The following SLC7A7 variants were observed in gnomAD, a reference collection of about 807,000 sequenced individuals.
SLC7A7 encodes the protein Y+L amino acid transporter 1.
SLC7A7 carries 39 observed loss-of-function variants against 47.9 expected under a neutral mutation model. That is an observed-to-expected ratio of 0.81 (90% CI 0.63 to 1.06). The LOEUF (loss-of-function observed/expected upper bound fraction) is 1.06. SLC7A7 is among the 50% of genes least tolerant of loss of function. The probability of loss-of-function intolerance (pLI) is 0.00; values close to 1 mark genes in which losing one functional copy is unlikely to be tolerated. For synonymous variants in SLC7A7, 234 were observed against 242.8 expected, an observed-to-expected ratio of 0.96 and a Z score of 0.34; for missense variants, 588 against 632.0, an observed-to-expected ratio of 0.93 and a Z score of 0.75.
intron 2 of SLC7A7, among the ~76,000 whole-genome samples, chr14:22,805,851 A>G (rs975176060): frequency 6.6e-6 from 1 of 152,192 alleles, no homozygotes; most frequent in Non-Finnish European, 1.5e-5. Flanking sequence ...TAAACTGTAC[A>G]TACATCAAAG....
chr14:22,817,295 A>T (rs1002309720), upstream of SLC7A7: 1 of 258,950 alleles, frequency 3.9e-6, no homozygotes, highest in African/African-American at 2.4e-5. Flanking sequence ...ACACCTGGCT[A>T]ATTTTTGTGT....
At chr14:22,781,921 T>G (rs17122403) in intron 2 of SLC7A7, among the ~76,000 whole-genome samples, 9,837 of 152,112 alleles carry the variant, frequency 0.065, 402 homozygotes, top group African/African-American at 0.11. Flanking sequence ...CAAACTGGAA[T>G]AAGCTTACAG....
At position 22,775,574 on chromosome 14, in the gene SLC7A7, T is replaced by C. The variant is rs779332809; in HGVS notation, c.999-34A>G. 5.7e-6 allele frequency: 9 copies of C among 1,584,408 alleles called. No individual in the cohort carries two copies. In the African/African-American group the frequency reaches 9.4e-5, roughly 17 times the overall value. ...GGTAAGATAGGAGAAGCTGAGAAAA[T>C]TGGTGGACACGGTGCAGCCTGGTTC... is the stretch of plus-strand genomic sequence containing the variant. On this transcript the variant is annotated intron_variant, in intron 6 of 9. Coordinates refer to ENST00000674313, the MANE Select transcript of SLC7A7 (RefSeq NM_003982.4).
intron 2 of SLC7A7, among the ~76,000 whole-genome samples, chr14:22,812,412 C>G (rs576139309): frequency 3.9e-4 from 60 of 151,924 alleles, no homozygotes; most frequent in Non-Finnish European, 7.2e-4. Flanking sequence ...GGTGATCTGC[C>G]CACTTCAGCC....
chr14:22,812,492 GA>G (rs914541911), intron 2 of SLC7A7, among the ~76,000 whole-genome samples: 6 of 147,974 alleles, frequency 4.1e-5, no homozygotes, highest in African/African-American at 1.2e-4. Context: ...GAAGGAACAA[GA>G]AAAAAAAATC....
At chr14:22,799,796 C>A (rs1380695405) in intron 2 of SLC7A7, among the ~76,000 whole-genome samples, 1 of 152,012 alleles carries the variant, frequency 6.6e-6, no homozygotes, top group Non-Finnish European at 1.5e-5. Context: ...TGATGACTCC[C>A]AAAAGTATAT....
chr14:22,803,856 C>T (rs1318646611), intron 2 of SLC7A7, among the ~76,000 whole-genome samples: 1 of 152,194 alleles, frequency 6.6e-6, no homozygotes, highest in Non-Finnish European at 1.5e-5. Flanking sequence ...GTCTACCTCG[C>T]TTCCCACCAC....
intron 2 of SLC7A7, among the ~76,000 whole-genome samples, chr14:22,806,179 A>T (rs2039203584): frequency 7.2e-6 from 1 of 138,370 alleles, no homozygotes; most frequent in Admixed American, 7.4e-5. Context: ...TCATTCACAC[A>T]TCAATCTCTT....
In SLC7A7 at chr14:22,812,639, TAA is replaced by T. The variant is rs10566770; in HGVS notation, c.499+259_499+260del. Among the ~76,000 whole-genome samples the T allele has an allele frequency of 0.41, 56,999 of 139,020 alleles. 11,353 individuals are homozygous for T. Among genetic ancestry groups the T allele is most frequent in the Admixed American group, 0.48 (6,585 of 13,836 alleles). 91.2% of individuals were successfully genotyped at this position (139,020 alleles called of 152,430 possible). A position where few individuals can be genotyped will look rare whatever the true frequency, so the allele number is the denominator to read the frequency against. ...TGACAGAGCAAAATACCTGTCTCTT[TAA>T]AAAAAAAAAAAAAAAATCAGGAAGA... On this transcript the variant is annotated intron_variant, in intron 2 of 9. Coordinates refer to ENST00000674313, the MANE Select transcript of SLC7A7 (RefSeq NM_003982.4).
chr14:22,819,224 A>T (rs541579294), upstream of SLC7A7, among the ~76,000 whole-genome samples: 4 of 152,216 alleles, frequency 2.6e-5, no homozygotes, highest in South Asian at 8.3e-4. Context: ...TCTCTCCCAG[A>T]GACCCCATGT....
At chr14:22,812,229 C>A (rs572696141) in intron 2 of SLC7A7, among the ~76,000 whole-genome samples, 2 of 151,580 alleles carry the variant, frequency 1.3e-5, no homozygotes, top group African/African-American at 2.4e-5. Flanking sequence ...TGCAGTGGTG[C>A]GATCTTGGCT....
chr14:22,780,654 A>G (rs1183181534), intron 2 of SLC7A7, among the ~76,000 whole-genome samples: 1 of 152,112 alleles, frequency 6.6e-6, no homozygotes, highest in Non-Finnish European at 1.5e-5. Context: ...GGGACAGGGC[A>G]TTTTTCCTGA....
intron 2 of SLC7A7, among the ~76,000 whole-genome samples, chr14:22,788,239 T>G (rs1407978765): frequency 6.6e-6 from 1 of 152,118 alleles, no homozygotes; most frequent in Non-Finnish European, 1.5e-5. Flanking sequence ...ATCATGAGAA[T>G]TTGCCACGAA....
At chr14:22,785,729 A>T in intron 2 of SLC7A7, among the ~76,000 whole-genome samples, 2 of 150,868 alleles carry the variant, frequency 1.3e-5, no homozygotes, top group African/African-American at 4.8e-5. Context: ...TCCATCTCAA[A>T]AAAAAAAAAA....
In SLC7A7 at chr14:22,813,351, T is replaced by A; in HGVS notation, c.48A>T (p.Glu16Asp). The change falls in exon 2 of 10, where the codon GAA (glutamate) becomes GAT (aspartate). Residue 16 changes from glutamate to aspartate, a missense_variant. Transcript: ENST00000674313. ...EYEVASQPEVETSPLGDGASP... is the reference protein window; with the variant it reads ...EYEVASQPEVDTSPLGDGASP... ...TGGCCCCATCACCCAAAGGGGAGGTTTCCACCTCAGGCTGGGAGGCCACTT... is the reference window on the plus strand; with the variant it reads ...TGGCCCCATCACCCAAAGGGGAGGTATCCACCTCAGGCTGGGAGGCCACTT... The A allele has an allele frequency of 1.9e-6, 3 of 1,613,964 alleles. No homozygotes were observed. Among genetic ancestry groups the A allele is most frequent in the Non-Finnish European group, 2.5e-6 (3 of 1,180,042 alleles).
At chr14:22,818,842 T>C (rs1162321399), upstream of SLC7A7, among the ~76,000 whole-genome samples, 1 of 152,032 alleles carries the variant, frequency 6.6e-6, no homozygotes, top group Non-Finnish European at 1.5e-5. Context: ...TCCTCCCACC[T>C]CAGCCTCCCA....
intron 2 of SLC7A7, among the ~76,000 whole-genome samples, chr14:22,782,441 C>CTTATTTATTTAT (rs200252561): frequency 6.7e-6 from 1 of 148,568 alleles, no homozygotes; most frequent in African/African-American, 2.5e-5. Context: ...TATTTATTGA[C>CTTATTTATTTAT]TTATTTATTT....
At chr14:22,799,466 T>C (rs1252293375) in intron 2 of SLC7A7, among the ~76,000 whole-genome samples, 2 of 140,778 alleles carry the variant, frequency 1.4e-5, no homozygotes, top group Non-Finnish European at 3.1e-5. Flanking sequence ...TTTTTTTTTT[T>C]TTTTTTGAGA....
chr14:22,792,237 T>C (rs1003879160), intron 2 of SLC7A7, among the ~76,000 whole-genome samples: 2 of 152,158 alleles, frequency 1.3e-5, no homozygotes, highest in African/African-American at 4.8e-5. Context: ...AGATAGCAGA[T>C]GGCCTTCAAA....
Sources: gnomAD v4.1 joint callset for allele counts (sites outside exome capture counted in the v4.1 genomes callset) on GRCh38, gnomAD v4.1.1 for gene constraint, MANE v1.5 for transcripts, NCBI Gene and HGNC (gene_info 2026-07-23, HGNC 2026-07-21) for gene names.